The following PRUNE2 variants were observed in gnomAD, a reference collection of about 807,000 sequenced individuals.
PRUNE2 encodes prune homolog 2 with BCH domain.
Under a neutral mutation model 252.0 loss-of-function variants are expected in PRUNE2, and 164 were observed. The ratio of observed to expected loss-of-function variants is 0.65; its 90% CI spans 0.57 to 0.74. PRUNE2 has a LOEUF of 0.74. Among genes scored for constraint, PRUNE2 ranks in the 30% least tolerant of loss-of-function variants. The pLI is 0.00. For synonymous variants in PRUNE2, 1,292 were observed against 1,350.2 expected (o/e 0.96, Z 0.94); for missense variants, 3,495 against 3,711.0 (o/e 0.94, Z 1.51).
intron 6 of PRUNE2, among the ~76,000 whole-genome samples, chr9:76,816,384 C>T (rs948489371): frequency 5.9e-5 from 9 of 152,034 alleles, no homozygotes; most frequent in Non-Finnish European, 1.3e-4. Context: ...TCTTTCATCT[C>T]GGTTACATCT....
chr9:76,788,009 C>T (rs1351425829), intron 6 of PRUNE2, among the ~76,000 whole-genome samples: 5 of 152,186 alleles, frequency 3.3e-5, no homozygotes, highest in Non-Finnish European at 5.9e-5. Flanking sequence ...CCCCTTTCTT[C>T]CACCTAGCTT....
intron 10 of PRUNE2, among the ~76,000 whole-genome samples, chr9:76,654,790 C>T (rs1325145081): frequency 5.3e-5 from 8 of 152,084 alleles, no homozygotes; most frequent in Admixed American, 1.3e-4. Flanking sequence ...TCAAATACTA[C>T]GACAGAAAAG....
At chr9:76,724,740 A>T (rs2047961410) in intron 6 of PRUNE2, among the ~76,000 whole-genome samples, 2 of 152,198 alleles carry the variant, frequency 1.3e-5, no homozygotes, top group Non-Finnish European at 2.9e-5. Flanking sequence ...CTCATTAACT[A>T]ACAGCCTAAT....
chr9:76,877,788 C>T (rs1202848031), intron 1 of PRUNE2, among the ~76,000 whole-genome samples: 1 of 152,214 alleles, frequency 6.6e-6, no homozygotes, highest in Non-Finnish European at 1.5e-5. Context: ...TTTACAGGGG[C>T]AGGCAACTGC....
Position 76,631,090 on chromosome 9 carries a change from T to C in PRUNE2, c.9051-1800A>G, listed in dbSNP as rs555478324. ...AAGACACTTGTGAACAACCGTCCTC[T>C]CCATACAGTAGCTTCTGTCCCTCCT... On this transcript the variant is annotated intron_variant, in intron 15 of 18. Transcript: ENST00000376718. Among the ~76,000 whole-genome samples, 3 of 152,296 alleles carry C rather than the reference T, an allele frequency of 2.0e-5. No individual in the cohort carries two copies. In the South Asian group the frequency reaches 6.2e-4, roughly 32 times the overall value.
At chr9:76,663,214 C>T (rs1353688902) in intron 9 of PRUNE2, among the ~76,000 whole-genome samples, 1 of 152,192 alleles carries the variant, frequency 6.6e-6, no homozygotes, top group African/African-American at 2.4e-5. Context: ...TGGGGTCAAG[C>T]CCATGAAATA....
At chr9:76,616,110 T>TTACC in intron 18 of PRUNE2, among the ~76,000 whole-genome samples, 1 of 152,268 alleles carries the variant, frequency 6.6e-6, no homozygotes, top group East Asian at 1.9e-4. Flanking sequence ...CTTCGCTTTA[T>TTACC]TACCCTACTT....
At chr9:76,891,775 G>C (rs1371285523) in intron 1 of PRUNE2, among the ~76,000 whole-genome samples, 1 of 152,180 alleles carries the variant, frequency 6.6e-6, no homozygotes, top group Admixed American at 6.5e-5. Flanking sequence ...CTGGGAATTA[G>C]AAGACAGAGA....
chr9:76,864,600 T>A (rs779100313), intron 1 of PRUNE2, among the ~76,000 whole-genome samples: 23 of 152,132 alleles, frequency 1.5e-4, no homozygotes, highest in Non-Finnish European at 2.6e-4. Flanking sequence ...ACAGAGGGGA[T>A]GATAATATTT....
chr9:76,670,582 C>T (rs2133910467), intron 9 of PRUNE2, among the ~76,000 whole-genome samples: 1 of 152,312 alleles, frequency 6.6e-6, no homozygotes, highest in South Asian at 2.1e-4. Context: ...CCTCTGTAGG[C>T]TCCACCTCTG....
intron 1 of PRUNE2, among the ~76,000 whole-genome samples, chr9:76,883,202 T>A (rs2061892385): frequency 6.6e-6 from 1 of 152,226 alleles, no homozygotes; most frequent in Admixed American, 6.5e-5. Context: ...AAAACTACAT[T>A]GTCACTATTA....
At chr9:76,782,237 T>C (rs564055963) in intron 6 of PRUNE2, among the ~76,000 whole-genome samples, 12 of 151,844 alleles carry the variant, frequency 7.9e-5, no homozygotes, top group African/African-American at 2.7e-4. Context: ...AAAGAAAGCA[T>C]TGGGAAAGCC....
chr9:76,782,311 G>A (rs903732917), intron 6 of PRUNE2, among the ~76,000 whole-genome samples: 1 of 152,224 alleles, frequency 6.6e-6, no homozygotes, highest in Non-Finnish European at 1.5e-5. Context: ...AAGAATGAAT[G>A]AATGAAAGAA....
In PRUNE2 at chr9:76,705,941, A is replaced by G. The variant is rs375914947; in HGVS notation, c.6333T>C (p.Ser2111=). ...GCTTCTCAGTCTCTTGCTTTGCTTCAGAATCGTGACATATATCAGGGCTGT... is the reference window on the plus strand; with the variant it reads ...GCTTCTCAGTCTCTTGCTTTGCTTCGGAATCGTGACATATATCAGGGCTGT... ...ASDSPDICHD[S]EAKQETEKHL... Residue 2111 remains serine, a synonymous_variant, in exon 8 of 19, where the codon TCT becomes TCC. Coordinates refer to ENST00000376718, the MANE Select transcript of PRUNE2 (RefSeq NM_015225.3). 5.6e-6 allele frequency: 9 copies of G among 1,613,932 alleles called. No individual in the cohort carries two copies. The African/African-American group carries it at 9.3e-5, about 17-fold the overall frequency.
intron 1 of PRUNE2, among the ~76,000 whole-genome samples, chr9:76,860,948 C>T (rs2060512952): frequency 6.6e-6 from 1 of 152,136 alleles, no homozygotes; most frequent in Admixed American, 6.5e-5. Flanking sequence ...AGGGCCCAGC[C>T]CCTCCCCAGG....
intron 9 of PRUNE2, among the ~76,000 whole-genome samples, chr9:76,665,115 A>G (rs912480975): frequency 3.3e-5 from 5 of 152,134 alleles, no homozygotes; most frequent in Non-Finnish European, 7.3e-5. Context: ...ATCCTTCTTC[A>G]TCTTAACCTT....
At chr9:76,837,441 A>AAATATAATAAT (rs147526426) in intron 4 of PRUNE2, among the ~76,000 whole-genome samples, 2 of 134,826 alleles carry the variant, frequency 1.5e-5, no homozygotes, top group South Asian at 2.7e-4. Context: ...ACTCTGTCTC[A>AAATATAATAAT]AATAATAATA....
chr9:76,705,780 G>T lies in PRUNE2; in HGVS notation c.6494C>A (p.Ala2165Glu), dbSNP rs770593424. 6.2e-7 allele frequency: 1 copy of T among 1,613,950 alleles called. No individual in the cohort carries two copies. The highest frequency in any genetic ancestry group is 1.7e-5 in the Admixed American group (1 of 60,024). Residue 2165 changes from alanine to glutamate, a missense_variant, in exon 8 of 19, where the codon GCA (alanine) becomes GAA (glutamate). Transcript: ENST00000376718. ...ATAGCCAATTGGAGGCAGCACAGTT[G>T]CGTTTTCAGAATCGAGTTCTGCATT... ...PSNAELDSEN[A>E]TVLPPIGYQA...
chr9:76,718,271 T>C (rs945957697), intron 6 of PRUNE2, among the ~76,000 whole-genome samples: 7 of 152,218 alleles, frequency 4.6e-5, no homozygotes, highest in African/African-American at 1.7e-4. Flanking sequence ...ACAAAAGTGA[T>C]GTAAAGAATG....
Sources: allele counts gnomAD v4.1 joint callset (sites outside exome capture counted in the v4.1 genomes callset), GRCh38; gene constraint gnomAD v4.1.1; transcripts MANE v1.5; gene names NCBI Gene and HGNC (gene_info 2026-07-23, HGNC 2026-07-21).